Variants in ADAM12 observed in about 807,000 individuals in gnomAD.
ADAM12 encodes ADAM metallopeptidase domain 12, also known as disintegrin and metalloproteinase domain-containing protein 12.
Under a neutral mutation model 106.4 loss-of-function variants are expected in ADAM12, and 70 were observed. The observed-to-expected ratio is 0.66, with a 90% confidence interval of 0.54 to 0.80. ADAM12 has a LOEUF of 0.80. ADAM12 is among the 30% of genes least tolerant of loss of function. The pLI is 0.00. For synonymous variants in ADAM12, 420 were observed against 433.5 expected, an observed-to-expected ratio of 0.97 and a Z score of 0.39; for missense variants, 1,010 against 1,171.9, an observed-to-expected ratio of 0.86 and a Z score of 2.02.
At position 126,225,377 on chromosome 10, in the gene ADAM12, G is replaced by A. The variant is rs149000768; in HGVS notation, c.260+53538C>T. 2.8e-3 allele frequency among the ~76,000 whole-genome samples: 427 copies of A among 152,296 alleles called. 1 individual carries two copies. The highest frequency in any genetic ancestry group is 7.2e-3 in the African/African-American group (300 of 41,566). On this transcript the variant is annotated intron_variant, in intron 3 of 22. Transcript: ENST00000448723. ...TGAATGCTCTCTGCAAAGTTTCCTC[G>A]TTAAGTGTTCCCATTTTGCCGGTGA... is the stretch of plus-strand genomic sequence containing the variant.
At chr10:126,167,820 C>A (rs979530152) in intron 3 of ADAM12, among the ~76,000 whole-genome samples, 1 of 152,138 alleles carries the variant, frequency 6.6e-6, no homozygotes, top group Admixed American at 6.6e-5. Flanking sequence ...GGACACGTGA[C>A]AACTGGTGAG....
intron 3 of ADAM12, among the ~76,000 whole-genome samples, chr10:126,158,258 C>T (rs1405790921): frequency 6.6e-6 from 1 of 151,756 alleles, no homozygotes; most frequent in Non-Finnish European, 1.5e-5. Context: ...GGAGAAAGCA[C>T]AGAGCACAGG....
chr10:126,234,514 C>G (rs375832470), intron 3 of ADAM12, among the ~76,000 whole-genome samples: 3 of 152,174 alleles, frequency 2.0e-5, no homozygotes, highest in Admixed American at 2.0e-4. Flanking sequence ...TTCAACAAGA[C>G]GACTCCTTTC....
chr10:126,203,827 G>C (rs1957744850), intron 3 of ADAM12, among the ~76,000 whole-genome samples: 1 of 152,204 alleles, frequency 6.6e-6, no homozygotes, highest in African/African-American at 2.4e-5. Context: ...CCAGTTCTGT[G>C]TTGGGAGTGT....
At chr10:126,126,126 T>C (rs1956202467) in intron 5 of ADAM12, among the ~76,000 whole-genome samples, 1 of 152,148 alleles carries the variant, frequency 6.6e-6, no homozygotes, top group Non-Finnish European at 1.5e-5. Context: ...GACACAGCCA[T>C]ACAGCCAATC....
Position 126,388,347 on chromosome 10 carries a change from TGTGCGTGC to T in ADAM12, c.-210_-203del, listed in dbSNP as rs904792833. 1.3e-4 allele frequency: 97 copies of T among 767,948 alleles called. No individual in the cohort carries two copies. Among genetic ancestry groups the T allele is most frequent in the African/African-American group, 6.8e-4 (37 of 54,092 alleles). The allele number at this position is 767,948 out of a possible 1,614,324, so 47.6% of individuals were successfully genotyped here. On this transcript the variant is annotated 5_prime_UTR_variant, in exon 1 of 23. Transcript: ENST00000448723. This position sits in a 1 kb window ranked among gnomAD's most constrained non-coding sequence, Gnocchi z 4.4. ...TTTTAAAAAAGTTTCCCCCCGTGTG[TGTGCGTGC>T]GTGCGCGCGCGCGCGCCGTTCTGGC...
chr10:126,094,517 G>C (rs1322038733), intron 10 of ADAM12, among the ~76,000 whole-genome samples: 1 of 152,144 alleles, frequency 6.6e-6, no homozygotes. Flanking sequence ...ATGGGCCATA[G>C]AAGTATCATT....
chr10:126,141,461 TCTTTTC>T (rs1454211429), intron 4 of ADAM12, among the ~76,000 whole-genome samples: 1 of 145,756 alleles, frequency 6.9e-6, no homozygotes, highest in Non-Finnish European at 1.6e-5. Context: ...GAAAATTACA[TCTTTTC>T]CTTTTCAAAA....
intron 3 of ADAM12, among the ~76,000 whole-genome samples, chr10:126,229,504 GAATA>G (rs1958266610): frequency 2.0e-5 from 3 of 152,062 alleles, no homozygotes; most frequent in South Asian, 2.1e-4. Context: ...AAATTATAAA[GAATA>G]AATTTCAAGT....
intron 21 of ADAM12, among the ~76,000 whole-genome samples, chr10:126,027,076 T>G (rs1165795984): frequency 6.6e-6 from 1 of 152,128 alleles, no homozygotes; most frequent in African/African-American, 2.4e-5. Flanking sequence ...ATATCACCAT[T>G]GATCCCACAG....
At chr10:126,147,734 C>T (rs779058504) in intron 4 of ADAM12, among the ~76,000 whole-genome samples, 10 of 152,226 alleles carry the variant, frequency 6.6e-5, no homozygotes, top group Non-Finnish European at 8.8e-5. Flanking sequence ...GTGCACTTAG[C>T]CCAGATGTTA....
intron 8 of ADAM12, among the ~76,000 whole-genome samples, chr10:126,106,483 CTTCTT>C (rs112752515): frequency 0.011 from 1,525 of 142,344 alleles, 25 homozygotes; most frequent in East Asian, 0.065. Flanking sequence ...TTTTCTTCTT[CTTCTT>C]TTTTTTTTTT....
intron 22 of ADAM12, among the ~76,000 whole-genome samples, chr10:126,017,963 T>C (rs1276167076): frequency 6.6e-6 from 1 of 152,180 alleles, no homozygotes; most frequent in African/African-American, 2.4e-5. Flanking sequence ...CTTCCTCAAA[T>C]AGAACAAGAA....
At chr10:126,265,799 A>G (rs1959086015) in intron 3 of ADAM12, among the ~76,000 whole-genome samples, 1 of 152,208 alleles carries the variant, frequency 6.6e-6, no homozygotes. Flanking sequence ...TAGGGAACCT[A>G]TATATTAAAA....
At chr10:126,303,674 T>C (rs891492062) in intron 2 of ADAM12, among the ~76,000 whole-genome samples, 2 of 152,210 alleles carry the variant, frequency 1.3e-5, no homozygotes, top group African/African-American at 4.8e-5. Context: ...GCAATATGTT[T>C]GAATCCTGGC....
chr10:126,311,596 C>G (rs185976388), intron 2 of ADAM12, among the ~76,000 whole-genome samples: 2 of 152,130 alleles, frequency 1.3e-5, no homozygotes, highest in Non-Finnish European at 2.9e-5. Context: ...TTCCAGCCCA[C>G]CCCCATCCTC....
intron 21 of ADAM12, among the ~76,000 whole-genome samples, chr10:126,035,151 AAAGTCATGGTGAGAAAGAC>A (rs759638698): frequency 1.3e-3 from 203 of 152,316 alleles, no homozygotes; most frequent in Non-Finnish European, 2.2e-3. Flanking sequence ...TAGTGTTAGC[AAAGTCATGGTGAGAAAGAC>A]AATAACAATG....
chr10:126,292,777 A>G (rs150688693), intron 2 of ADAM12, among the ~76,000 whole-genome samples: 2,855 of 152,364 alleles, frequency 0.019, 58 homozygotes, highest in Non-Finnish European at 0.025. Flanking sequence ...TTATTGATGT[A>G]CACCAAAATT....
intron 2 of ADAM12, among the ~76,000 whole-genome samples, chr10:126,323,359 A>C (rs565468678): frequency 8.5e-5 from 13 of 152,336 alleles, no homozygotes; most frequent in African/African-American, 2.6e-4. Flanking sequence ...TGCTCTTGGC[A>C]CAGAGCTACA....
Sources: allele counts gnomAD v4.1 joint callset (sites outside exome capture counted in the v4.1 genomes callset), GRCh38; gene constraint gnomAD v4.1.1; non-coding constraint Gnocchi (gnomAD v3.1); transcripts MANE v1.5; gene names NCBI Gene and HGNC (gene_info 2026-07-23, HGNC 2026-07-21).